Variants in TOM1L1 observed in about 807,000 individuals in gnomAD.
TOM1L1 encodes the protein TOM1-like protein 1.
A neutral mutation model predicts 63.4 loss-of-function variants in TOM1L1; 64 were observed. The observed-to-expected ratio is 1.01, with a 90% CI of 0.83 to 1.24. The LOEUF is 1.24. Among genes scored for constraint, TOM1L1 ranks in the 50% most tolerant of loss-of-function variants. The pLI is 0.00. For synonymous variants in TOM1L1, 166 were observed against 194.4 expected, an observed-to-expected ratio of 0.85 and a Z score of 1.22; for missense variants, 536 against 567.0, an observed-to-expected ratio of 0.95 and a Z score of 0.55.
intron 7 of TOM1L1, 139 bp downstream of exon 7, chr17:54,916,001 A>C: frequency 1.9e-6 from 1 of 538,182 alleles, no homozygotes; most frequent in Non-Finnish European, 3.2e-6. Flanking sequence ...TTCTAAACTT[A>C]ACAAAAATAT....
chr17:54,921,380 A>G (rs1246034237), intron 7 of TOM1L1, among the ~76,000 whole-genome samples: 1 of 151,184 alleles, frequency 6.6e-6, no homozygotes, highest in East Asian at 1.9e-4. Flanking sequence ...GAGGCAAAAA[A>G]TTAACCATTA....
chr17:54,936,606 A>T, intron 8 of TOM1L1, 43 bp from the exon 9 acceptor site: 1 of 1,509,532 alleles, frequency 6.6e-7, no homozygotes, highest in Non-Finnish European at 9.0e-7. Context: ...TAGCATTTTC[A>T]TATATTTTTT....
chr17:54,924,018 A>G (rs960064836), intron 7 of TOM1L1, among the ~76,000 whole-genome samples: 2 of 151,958 alleles, frequency 1.3e-5, no homozygotes, highest in Non-Finnish European at 2.9e-5. Context: ...TAAAATGTAA[A>G]CCAGATCGTG....
chr17:54,950,188 A>ATC, intron 14 of TOM1L1, 62 bp downstream of exon 14: 6 of 1,320,058 alleles, frequency 4.5e-6, no homozygotes, highest in Non-Finnish European at 5.4e-6. Context: ...TAGCAGAGCT[A>ATC]ACAGGGCTTG....
intron 11 of TOM1L1, 151 bp downstream of exon 11, chr17:54,939,171 T>G: frequency 6.2e-6 from 3 of 481,330 alleles, no homozygotes; most frequent in African/African-American, 2.0e-5. Context: ...CCCAGGAGTT[T>G]GAGACCAGCC....
chr17:54,915,925 A>G (rs1339298500), intron 7 of TOM1L1, 63 bp downstream of exon 7: 1 of 1,296,668 alleles, frequency 7.7e-7, no homozygotes, highest in East Asian at 2.4e-5. Flanking sequence ...CTAAACTTTG[A>G]GTTTGGAGAT....
At chr17:54,954,486 A>G (rs148212589) in intron 14 of TOM1L1, 3 of 152,380 alleles carry the variant, frequency 2.0e-5, no homozygotes, top group Non-Finnish European at 4.4e-5. Context: ...GGGGCCTGCT[A>G]TTGCCATAGC....
chr17:54,951,322 C>T (rs34391032), intron 14 of TOM1L1, among the ~76,000 whole-genome samples: 44,743 of 152,096 alleles, frequency 0.29, 6,921 homozygotes, highest in African/African-American at 0.35. Flanking sequence ...GGTACCTCCA[C>T]GTGTTCAGCT....
chr17:54,960,498 CAGTTAA>C, intron 14 of TOM1L1, 62 bp from the exon 15 acceptor site: 4 of 1,182,686 alleles, frequency 3.4e-6, no homozygotes, highest in Non-Finnish European at 5.1e-6. Context: ...ACAGTGCTGG[CAGTTAA>C]AAACCAAAAT....
At chr17:54,921,972 G>A (rs1429452297) in intron 7 of TOM1L1, among the ~76,000 whole-genome samples, 1 of 152,102 alleles carries the variant, frequency 6.6e-6, no homozygotes, top group Admixed American at 6.5e-5. Flanking sequence ...TATTCTTAAA[G>A]TAAGCTAGAG....
chr17:54,910,695 C>T (rs2048484071), intron 3 of TOM1L1, among the ~76,000 whole-genome samples: 1 of 152,182 alleles, frequency 6.6e-6, no homozygotes, highest in African/African-American at 2.4e-5. Context: ...CTTTGTCTCA[C>T]CAAACTGTAC....
At chr17:54,948,273 G>A (rs925832402) in intron 12 of TOM1L1, among the ~76,000 whole-genome samples, 1 of 151,836 alleles carries the variant, frequency 6.6e-6, no homozygotes, top group Non-Finnish European at 1.5e-5. Context: ...ACAAAAACAG[G>A]GGCATTCTTT....
chr17:54,901,011 G>A, intron 1 of TOM1L1, 88 bp downstream of exon 1: 1 of 1,562,770 alleles, frequency 6.4e-7, no homozygotes, highest in Non-Finnish European at 8.7e-7. Flanking sequence ...GCAGAGGACG[G>A]AGTTAGTCCA....
chr17:54,961,190 A>G lies in TOM1L1; in HGVS notation c.*2-45A>G, dbSNP rs1419267762. The G allele has an allele frequency of 4.7e-6, 6 of 1,263,920 alleles. No homozygotes were observed. In the African/African-American group the frequency reaches 5.9e-5, roughly 12 times the overall value. The allele number at this position is 1,263,920 out of a possible 1,614,324, so 78.3% of individuals were successfully genotyped here. A position where few individuals can be genotyped will look rare whatever the true frequency, so the allele number is the denominator to read the frequency against. On this transcript the variant is annotated intron_variant, in intron 15 of 15. Transcript: ENST00000575882. ...GAGAGTTATCAAGGAATGGGGAAAG[A>G]GAAGGACAGGATGAATACTGGCCAT...
intron 8 of TOM1L1, among the ~76,000 whole-genome samples, chr17:54,932,250 GTGAT>G (rs980222135): frequency 6.6e-6 from 1 of 152,098 alleles, no homozygotes; most frequent in Non-Finnish European, 1.5e-5. Flanking sequence ...TGAGAGGGTC[GTGAT>G]TGATTGAGCA....
chr17:54,944,060 GTTATC>G (rs780457032), intron 11 of TOM1L1, among the ~76,000 whole-genome samples: 23 of 152,122 alleles, frequency 1.5e-4, no homozygotes, highest in Non-Finnish European at 2.2e-4. Flanking sequence ...TTCTATAATA[GTTATC>G]TTATATATTA....
At chr17:54,951,598 G>C (rs1454743770) in intron 14 of TOM1L1, among the ~76,000 whole-genome samples, 3 of 152,198 alleles carry the variant, frequency 2.0e-5, no homozygotes. Context: ...ACTGTAACAA[G>C]GGCTATGGGA....
intron 1 of TOM1L1, among the ~76,000 whole-genome samples, chr17:54,902,147 T>C (rs985830744): frequency 4.6e-5 from 7 of 152,118 alleles, no homozygotes; most frequent in African/African-American, 1.7e-4. Flanking sequence ...ACCTTTGCAA[T>C]GCAAGAAAAT....
chr17:54,934,041 G>C (rs2048907607), intron 8 of TOM1L1, among the ~76,000 whole-genome samples: 1 of 152,242 alleles, frequency 6.6e-6, no homozygotes, highest in African/African-American at 2.4e-5. Flanking sequence ...TAGAGGAATA[G>C]TCACTCATGC....
Sources: allele counts gnomAD v4.1 joint callset (sites outside exome capture counted in the v4.1 genomes callset), GRCh38; gene constraint gnomAD v4.1.1; transcripts MANE v1.5; gene names NCBI Gene and HGNC (gene_info 2026-07-23, HGNC 2026-07-21).